The following RNF213 variants were observed in gnomAD, a reference collection of about 807,000 sequenced individuals.
RNF213 encodes the protein ring finger protein 213.
A neutral mutation model predicts 514.4 loss-of-function variants in RNF213; 341 were observed. The ratio of observed to expected loss-of-function variants is 0.66; its 90% CI spans 0.61 to 0.73. The LOEUF (loss-of-function observed/expected upper bound fraction) is 0.73. Ranked by LOEUF, RNF213 falls within the 30% of genes least tolerant of loss-of-function variation. RNF213 has a pLI of 0.00. For synonymous variants in RNF213, 2,655 were observed against 2,658.2 expected, an observed-to-expected ratio of 1.00 and a Z score of 0.04; for missense variants, 5,767 against 6,615.6, an observed-to-expected ratio of 0.87 and a Z score of 4.45.
intron 15 of RNF213, among the ~76,000 whole-genome samples, chr17:80,313,397 G>C (rs926432313): frequency 6.6e-6 from 1 of 152,140 alleles, no homozygotes; most frequent in African/African-American, 2.4e-5. Context: ...CCCCTGGCCG[G>C]GCACAGTCCC....
chr17:80,290,472 CGTGTGTGTGCGCACGT>C (rs1485391007), intron 6 of RNF213, 82 bp from the exon 7 acceptor site: 69 of 1,433,444 alleles, frequency 4.8e-5, no homozygotes, highest in South Asian at 8.1e-5. Flanking sequence ...TGTGTGTGCA[CGTGTGTGTGCGCACGT>C]GTGTGTGTGC....
At chr17:80,318,712 T>G (rs903780775) in intron 16 of RNF213, among the ~76,000 whole-genome samples, 4 of 152,112 alleles carry the variant, frequency 2.6e-5, no homozygotes, top group Non-Finnish European at 5.9e-5. Flanking sequence ...TAGCTGGGAC[T>G]ACAGGCGCCC....
rs1045203327 is a variant in RNF213 at position 80,350,415 on chromosome 17, T to C, written c.10184+19T>C. On this transcript the variant is annotated intron_variant, in intron 31 of 67. Transcript: ENST00000582970. Reference sequence around the variant, plus strand: ...CAGCTAAGTATGTTTTTAGTATTTTTCTCAGAAACTATGTAAAAAACCCAA... The same window carrying C: ...CAGCTAAGTATGTTTTTAGTATTTTCCTCAGAAACTATGTAAAAAACCCAA... 6.5e-7 allele frequency: 1 copy of C among 1,535,466 alleles called. No homozygotes were observed. The highest frequency in any genetic ancestry group is 9.0e-7 in the Non-Finnish European group (1 of 1,109,002).
chr17:80,335,675 G>A (rs543986049), intron 22 of RNF213, among the ~76,000 whole-genome samples: 1 of 152,230 alleles, frequency 6.6e-6, no homozygotes, highest in East Asian at 1.9e-4. Context: ...ATCGTTTAGT[G>A]CTATTAACAG....
chr17:80,270,108 G>GCA (rs1491449375), intron 2 of RNF213, among the ~76,000 whole-genome samples: 1 of 152,188 alleles, frequency 6.6e-6, no homozygotes, highest in Non-Finnish European at 1.5e-5. Flanking sequence ...GTGAATGTGT[G>GCA]CGCACACACA....
At chr17:80,338,116 T>A in intron 25 of RNF213, 119 bp downstream of exon 25, 1 of 1,249,472 alleles carries the variant, frequency 8.0e-7, no homozygotes, top group South Asian at 1.4e-5. Flanking sequence ...AGAAGGGCTC[T>A]GCTCTTAGGC....
chr17:80,280,595 A>G (rs1436339432), intron 3 of RNF213, among the ~76,000 whole-genome samples: 2 of 152,040 alleles, frequency 1.3e-5, no homozygotes, highest in African/African-American at 2.4e-5. Flanking sequence ...CTGGGACTAC[A>G]GGCGTGCACC....
chr17:80,354,225 G>A, intron 35 of RNF213, 59 bp downstream of exon 35: 1 of 1,589,344 alleles, frequency 6.3e-7, no homozygotes, highest in Non-Finnish European at 8.6e-7. Context: ...CTGAGGAGTG[G>A]GCATCATTTC....
Position 80,389,850 on chromosome 17 carries a change from AAC to A in RNF213, c.15223_15224del (p.Thr5075HisfsTer11). 1.9e-6 allele frequency: 3 copies of A among 1,614,102 alleles called. No individual in the cohort carries two copies. Among genetic ancestry groups the A allele is most frequent in the Non-Finnish European group, 2.5e-6 (3 of 1,180,020 alleles). ...CAGGCCTTAAACAGATGCCAGTTAA[AAC>A]ACACCATTGCCCTCTGGCAGTTCCT... On this transcript the variant is annotated frameshift_variant, in exon 66 of 68. Coordinates refer to ENST00000582970, the MANE Select transcript of RNF213 (RefSeq NM_001256071.3). LOFTEE classifies it high-confidence loss of function.
rs1407305985 is a variant in RNF213 at position 80,355,616 on chromosome 17, A to G, written c.10862+1040A>G. Among the ~76,000 whole-genome samples, 15 of 28,160 alleles carry G rather than the reference A, an allele frequency of 5.3e-4. 1 individual carries two copies. The highest frequency in any genetic ancestry group is 1.6e-3 in the South Asian group (1 of 616). 18.5% of individuals were successfully genotyped at this position (28,160 alleles called of 152,430 possible). A position where few individuals can be genotyped will look rare whatever the true frequency, so the allele number is the denominator to read the frequency against. On this transcript the variant is annotated intron_variant, in intron 36 of 67. Transcript: ENST00000582970. The stretch of plus-strand genomic sequence containing the variant: ...GGCTTACAGGGGAAGAAGCGGGGTG[A>G]GTGGGAATGGGGGCTTACAGGGGAA...
intron 3 of RNF213, chr17:80,279,034 T>A: frequency 3.7e-6 from 5 of 1,348,168 alleles, no homozygotes; most frequent in Non-Finnish European, 5.0e-6. Context: ...CTGCCCAGGA[T>A]GGGCGTTTTC....
At chr17:80,304,656 AAATAAT>A (rs149879581) in intron 11 of RNF213, among the ~76,000 whole-genome samples, 2 of 146,102 alleles carry the variant, frequency 1.4e-5, no homozygotes, top group African/African-American at 2.7e-5. Context: ...ATAAATAAAT[AAATAAT>A]AATAATAATA....
chr17:80,354,459 C>A lies in RNF213; in HGVS notation c.10745C>A (p.Ser3582Tyr). The A allele has an allele frequency of 6.2e-7, 1 of 1,614,214 alleles. No homozygotes were observed. The highest frequency in any genetic ancestry group is 8.5e-7 in the Non-Finnish European group (1 of 1,180,042). The change falls in exon 36 of 68, where the codon TCC (serine) becomes TAC (tyrosine). Residue 3582 changes from serine to tyrosine, a missense_variant. Coordinates refer to ENST00000582970, the MANE Select transcript of RNF213 (RefSeq NM_001256071.3). ...DACHASFLRV[S>Y]KMRLSVFLKK... The stretch of plus-strand genomic sequence containing the variant: ...TGTACAGCCTCTTTCTTGCGGGTAT[C>A]CAAGATGCGCCTCAGTGTCTTTTTA...
Position 80,306,385 on chromosome 17 carries a change from G to C in RNF213, c.2344G>C (p.Gly782Arg). Reference protein sequence around the residue: ...MYMENFIEHLGRFPAHILDCL... With the variant: ...MYMENFIEHLRRFPAHILDCL... ...TATGGAAAACTTCATTGAGCACCTGGGTCGTTTTCCTGCTCATATCCTGGA... is the reference window on the plus strand; with the variant it reads ...TATGGAAAACTTCATTGAGCACCTGCGTCGTTTTCCTGCTCATATCCTGGA... The change falls in exon 12 of 68, where the codon GGT becomes CGT. Residue 782 changes from glycine (G) to arginine (R), a missense_variant. Physicochemically the swap from Gly to Arg is moderately radical, Grantham distance 125. Around this residue, in one of 13 missense-constraint regions of RNF213, gnomAD observed 592 missense variants for 673.9 expected, o/e 0.88. Coordinates refer to ENST00000582970, the MANE Select transcript of RNF213 (RefSeq NM_001256071.3). 2 of 1,614,088 alleles carry C rather than the reference G, an allele frequency of 1.2e-6. No homozygotes were observed. Among genetic ancestry groups the C allele is most frequent in the Non-Finnish European group, 1.7e-6 (2 of 1,180,032 alleles).
intron 2 of RNF213, among the ~76,000 whole-genome samples, chr17:80,267,023 C>T (rs966634388): frequency 8.6e-5 from 13 of 151,954 alleles, no homozygotes; most frequent in African/African-American, 2.9e-4. Flanking sequence ...TTGAGACCAG[C>T]CTGGCCAACG....
At chr17:80,322,661 C>G (rs2046178583) in intron 17 of RNF213, among the ~76,000 whole-genome samples, 1 of 152,258 alleles carries the variant, frequency 6.6e-6, no homozygotes, top group East Asian at 1.9e-4. Context: ...ATGAACCTCC[C>G]TCCTTGGCCT....
At chr17:80,266,011 C>T (rs191994788) in intron 2 of RNF213, among the ~76,000 whole-genome samples, 14 of 152,196 alleles carry the variant, frequency 9.2e-5, no homozygotes, top group Admixed American at 3.9e-4. Flanking sequence ...ACATTGAGTT[C>T]CAAATGATAT....
chr17:80,287,952 G>A lies in RNF213; in HGVS notation c.399G>A (p.Leu133=), dbSNP rs1452145024. 1 of 1,570,490 alleles carries A rather than the reference G, an allele frequency of 6.4e-7. No homozygotes were observed. The highest frequency in any genetic ancestry group is 8.6e-7 in the Non-Finnish European group (1 of 1,157,938). ...LSNPWPQDTA[L]PHSQAQQSGP... ...ACCCGTGGCCTCAGGACACAGCCCTGCCCCACAGCCAAGCCCAGCAGAGTG... is the reference window on the plus strand; with the variant it reads ...ACCCGTGGCCTCAGGACACAGCCCTACCCCACAGCCAAGCCCAGCAGAGTG... Residue 133 remains leucine (L), a synonymous_variant, in exon 4 of 68, where the codon CTG becomes CTA. Coordinates refer to ENST00000582970, the MANE Select transcript of RNF213 (RefSeq NM_001256071.3).
At chr17:80,292,176 C>T (rs537278469) in intron 8 of RNF213, among the ~76,000 whole-genome samples, 1 of 152,108 alleles carries the variant, frequency 6.6e-6, no homozygotes, top group African/African-American at 2.4e-5. Flanking sequence ...CCTCCGCCTC[C>T]CAGGGTCAAG....
Sources: allele counts gnomAD v4.1 joint callset (sites outside exome capture counted in the v4.1 genomes callset), GRCh38; gene constraint gnomAD v4.1.1; regional missense constraint gnomAD v4.1.1; transcripts MANE v1.5; gene names NCBI Gene and HGNC (gene_info 2026-07-23, HGNC 2026-07-21).